The following ZMAT5 variants were observed in gnomAD, a reference collection of about 807,000 sequenced individuals.
The protein encoded by ZMAT5 is zinc finger matrin-type protein 5.
In ZMAT5, 23 loss-of-function variants were observed where a neutral mutation model predicts 28.0. That is an observed-to-expected ratio of 0.82 (90% CI 0.59 to 1.16). The LOEUF (loss-of-function observed/expected upper bound fraction) is 1.16. Ranked by LOEUF, ZMAT5 falls within the 50% of genes most tolerant of loss-of-function variation. The pLI is 0.00. For synonymous variants in ZMAT5, 76 were observed against 84.1 expected (o/e 0.90, Z 0.52); for missense variants, 173 against 212.7 (o/e 0.81, Z 1.16).
chr22:29,753,354 GTC>G (rs1230778591), intron 1 of ZMAT5, among the ~76,000 whole-genome samples: 1 of 152,178 alleles, frequency 6.6e-6, no homozygotes, highest in Non-Finnish European at 1.5e-5. Flanking sequence ...GTGAAACCCT[GTC>G]TCTACTAAAA....
chr22:29,764,238 A>G (rs549073947), intron 1 of ZMAT5, among the ~76,000 whole-genome samples: 1 of 152,328 alleles, frequency 6.6e-6, no homozygotes, highest in South Asian at 2.1e-4. Flanking sequence ...ACTTCCCATC[A>G]GCCAGATTGG....
intron 3 of ZMAT5, 143 bp downstream of exon 3, chr22:29,742,275 C>T: frequency 1.4e-6 from 1 of 731,826 alleles, no homozygotes; most frequent in South Asian, 1.6e-5. Context: ...AAGGCCCTGA[C>T]TGGCCAGTCA....
intron 1 of ZMAT5, among the ~76,000 whole-genome samples, chr22:29,763,027 A>T (rs1410280369): frequency 6.6e-6 from 1 of 152,090 alleles, no homozygotes; most frequent in Non-Finnish European, 1.5e-5. Flanking sequence ...CTCTACAAAA[A>T]AATTTTTTTA....
chr22:29,756,737 C>T (rs569196633), intron 1 of ZMAT5, among the ~76,000 whole-genome samples: 1 of 151,764 alleles, frequency 6.6e-6, no homozygotes, highest in South Asian at 2.1e-4. Flanking sequence ...AGTTAGACCC[C>T]ATCTCCACAA....
At chr22:29,734,673 G>A (rs1266001946) in intron 5 of ZMAT5, among the ~76,000 whole-genome samples, 4 of 152,224 alleles carry the variant, frequency 2.6e-5, no homozygotes, top group African/African-American at 9.7e-5. Flanking sequence ...GGCAGTTTCA[G>A]GCAAGAAAAT....
intron 5 of ZMAT5, among the ~76,000 whole-genome samples, chr22:29,736,071 G>A (rs935498244): frequency 2.0e-5 from 3 of 152,210 alleles, no homozygotes; most frequent in African/African-American, 7.2e-5. Context: ...GGTGCAACTC[G>A]GTTAGCAGGT....
chr22:29,762,987 A>T (rs1442501725), intron 1 of ZMAT5, among the ~76,000 whole-genome samples: 2 of 152,140 alleles, frequency 1.3e-5, no homozygotes, highest in African/African-American at 2.4e-5. Flanking sequence ...GGAGTTAGAG[A>T]CCAGCCTGGG....
intron 1 of ZMAT5, among the ~76,000 whole-genome samples, chr22:29,755,756 T>A (rs548639319): frequency 6.6e-6 from 1 of 151,934 alleles, no homozygotes; most frequent in Non-Finnish European, 1.5e-5. Context: ...CAATAACCAA[T>A]AACAACCACG....
intron 5 of ZMAT5, among the ~76,000 whole-genome samples, chr22:29,737,351 A>AAAG (rs2067915940): frequency 6.6e-6 from 1 of 152,172 alleles, no homozygotes; most frequent in Non-Finnish European, 1.5e-5. Context: ...AAGAAAGAAA[A>AAAG]AAAACACCCT....
intron 5 of ZMAT5, among the ~76,000 whole-genome samples, chr22:29,737,170 A>G (rs2067914060): frequency 6.6e-6 from 1 of 151,520 alleles, no homozygotes; most frequent in Admixed American, 6.6e-5. Context: ...TCTCTACAAA[A>G]ATACAAAAAT....
At chr22:29,761,803 T>C (rs2068160240) in intron 1 of ZMAT5, among the ~76,000 whole-genome samples, 1 of 152,166 alleles carries the variant, frequency 6.6e-6, no homozygotes, top group Non-Finnish European at 1.5e-5. Flanking sequence ...TAATTGATAT[T>C]AGAGTTGTGA....
chr22:29,751,867 G>A (rs1286175799), intron 1 of ZMAT5, among the ~76,000 whole-genome samples: 1 of 152,088 alleles, frequency 6.6e-6, no homozygotes, highest in Non-Finnish European at 1.5e-5. Context: ...CTCAGGAAGT[G>A]AGGCAGGAGG....
At chr22:29,732,470 A>G (rs1208992754) in intron 5 of ZMAT5, among the ~76,000 whole-genome samples, 5 of 152,028 alleles carry the variant, frequency 3.3e-5, no homozygotes, top group South Asian at 2.1e-4. Flanking sequence ...GGGCGCAGTG[A>G]CTCACGCCTG....
chr22:29,747,800 T>A (rs1030571593), intron 2 of ZMAT5: 2 of 162,998 alleles, frequency 1.2e-5, no homozygotes, highest in Non-Finnish European at 2.7e-5. Context: ...GCCTTCCTTC[T>A]GCAACTGGGT....
intron 1 of ZMAT5, among the ~76,000 whole-genome samples, chr22:29,758,355 C>T (rs2068123549): frequency 6.6e-6 from 1 of 152,190 alleles, no homozygotes; most frequent in Admixed American, 6.5e-5. Flanking sequence ...GTGGTTCATT[C>T]CTGTAATCCC....
intron 1 of ZMAT5, among the ~76,000 whole-genome samples, chr22:29,756,647 A>G (rs1422614062): frequency 1.3e-5 from 2 of 152,130 alleles, no homozygotes; most frequent in African/African-American, 2.4e-5. Context: ...AGTGGCTCAC[A>G]CTTGTAATCC....
At chr22:29,734,357 C>T (rs938140695) in intron 5 of ZMAT5, among the ~76,000 whole-genome samples, 2 of 152,216 alleles carry the variant, frequency 1.3e-5, no homozygotes, top group Non-Finnish European at 2.9e-5. Context: ...GGTTGGAGCC[C>T]GCAGGTCTCG....
intron 1 of ZMAT5, among the ~76,000 whole-genome samples, chr22:29,754,724 A>T (rs904131459): frequency 2.0e-5 from 3 of 151,826 alleles, no homozygotes; most frequent in Non-Finnish European, 4.4e-5. Flanking sequence ...AAAGAAAAAA[A>T]TTAGGCAGGC....
intron 1 of ZMAT5, among the ~76,000 whole-genome samples, chr22:29,758,561 T>C (rs1439646517): frequency 6.6e-6 from 1 of 151,996 alleles, no homozygotes; most frequent in East Asian, 1.9e-4. Flanking sequence ...AGATGAAGGT[T>C]GCAGTGAGCC....
Sources: allele counts gnomAD v4.1 joint callset (sites outside exome capture counted in the v4.1 genomes callset), GRCh38; gene constraint gnomAD v4.1.1; transcripts MANE v1.5; gene names NCBI Gene and HGNC (gene_info 2026-07-23, HGNC 2026-07-21).